Variants in MNAT1 observed in about 807,000 individuals in gnomAD.
MNAT1 encodes the protein CDK-activating kinase assembly factor MAT1.
In MNAT1, 43 loss-of-function variants were observed where a neutral mutation model predicts 42.0. The observed-to-expected ratio is 1.02, with a 90% CI of 0.80 to 1.32. The LOEUF is 1.32. Among genes scored for constraint, MNAT1 ranks in the 40% most tolerant of loss-of-function variants. The probability of loss-of-function intolerance (pLI) is 0.00; values close to 1 mark genes in which losing one functional copy is unlikely to be tolerated. For missense variants in MNAT1, 306 were observed against 350.4 expected, an observed-to-expected ratio of 0.87 and a Z score of 1.01; for synonymous variants, 118 against 120.0, an observed-to-expected ratio of 0.98 and a Z score of 0.11.
At chr14:60,878,510 TGTTGTGGTGGG>T (rs1432723357) in intron 6 of MNAT1, among the ~76,000 whole-genome samples, 1 of 152,074 alleles carries the variant, frequency 6.6e-6, no homozygotes, top group Non-Finnish European at 1.5e-5. Context: ...GCAGGAGCAT[TGTTGTGGTGGG>T]GAAAGGACTC....
chr14:60,923,919 G>A (rs147518780), intron 7 of MNAT1, among the ~76,000 whole-genome samples: 13 of 152,272 alleles, frequency 8.5e-5, no homozygotes, highest in African/African-American at 2.4e-4. Flanking sequence ...ATGACAGAGC[G>A]AGACTGTCTT....
chr14:60,904,117 C>T (rs775521370), intron 7 of MNAT1, among the ~76,000 whole-genome samples: 50 of 152,234 alleles, frequency 3.3e-4, no homozygotes, highest in Non-Finnish European at 6.0e-4. Context: ...GTGATCCACC[C>T]GCCTTGGCCT....
At chr14:60,898,828 G>T (rs561887217) in intron 7 of MNAT1, among the ~76,000 whole-genome samples, 1 of 152,064 alleles carries the variant, frequency 6.6e-6, no homozygotes, top group East Asian at 1.9e-4. Context: ...TAAAATCTTT[G>T]CCTAAACCAA....
chr14:60,968,089 T>A, intron 7 of MNAT1, 140 bp from the exon 8 acceptor site: 1 of 603,434 alleles, frequency 1.7e-6, no homozygotes, highest in South Asian at 2.3e-5. Context: ...AAGATAATAA[T>A]CTATTTATAA....
intron 7 of MNAT1, among the ~76,000 whole-genome samples, chr14:60,960,088 G>T (rs1254749642): frequency 3.3e-5 from 5 of 151,852 alleles, no homozygotes; most frequent in Non-Finnish European, 7.4e-5. Context: ...TTGTTCTTTT[G>T]CTATAAGAAA....
At chr14:60,746,514 CAAA>C (rs11296750) in intron 1 of MNAT1, among the ~76,000 whole-genome samples, 1 of 126,496 alleles carries the variant, frequency 7.9e-6, no homozygotes, top group African/African-American at 3.1e-5. Context: ...GACTCTGTCT[CAAA>C]AAAAAAAAAA....
At chr14:60,877,227 G>A (rs754335583) in intron 6 of MNAT1, among the ~76,000 whole-genome samples, 25 of 151,890 alleles carry the variant, frequency 1.6e-4, no homozygotes, top group Non-Finnish European at 3.2e-4. Context: ...ATACCTATTG[G>A]CAATATGTAT....
rs548652808 is a variant in MNAT1, at chr14:60,871,520, T to G, written c.688-8194T>G. Among the ~76,000 whole-genome samples the G allele has an allele frequency of 7.2e-5, 11 of 152,190 alleles. 1 individual carries two copies. The highest frequency in any genetic ancestry group is 1.6e-4 in the Non-Finnish European group (11 of 68,036). ...ATTTAGTGTGCATTTTTCTGAATAT[T>G]ATTGATGTTGAGCATCTTTTCATGT... is the stretch of plus-strand genomic sequence containing the variant. On this transcript the variant is annotated intron_variant, in intron 6 of 7. Coordinates refer to ENST00000261245, the MANE Select transcript of MNAT1 (RefSeq NM_002431.4).
At chr14:60,757,707 C>T (rs940765876) in intron 1 of MNAT1, among the ~76,000 whole-genome samples, 2 of 152,146 alleles carry the variant, frequency 1.3e-5, no homozygotes, top group Admixed American at 1.3e-4. Context: ...CACAGAGATT[C>T]CCTTTCTGTC....
At chr14:60,959,953 TGA>T (rs2036558840) in intron 7 of MNAT1, among the ~76,000 whole-genome samples, 2 of 145,744 alleles carry the variant, frequency 1.4e-5, no homozygotes, top group Admixed American at 1.4e-4. Context: ...GCATTGTTTC[TGA>T]GAGTCAGTCG....
chr14:60,964,374 A>G (rs920321075), intron 7 of MNAT1, among the ~76,000 whole-genome samples: 3 of 152,222 alleles, frequency 2.0e-5, no homozygotes, highest in African/African-American at 7.2e-5. Flanking sequence ...ATTAGGGCAT[A>G]AGATGTCCTT....
At chr14:60,909,360 G>A (rs2035291163) in intron 7 of MNAT1, among the ~76,000 whole-genome samples, 2 of 151,960 alleles carry the variant, frequency 1.3e-5, no homozygotes, top group Admixed American at 6.5e-5. Context: ...GGCTTTTGTT[G>A]CCATTTTTTT....
At chr14:60,816,777 C>A (rs1390156776) in intron 5 of MNAT1, among the ~76,000 whole-genome samples, 1 of 152,010 alleles carries the variant, frequency 6.6e-6, no homozygotes, top group African/African-American at 2.4e-5. Flanking sequence ...TCTAGTTTAA[C>A]ACTTAGTAAG....
At chr14:60,913,547 T>A (rs1200272369) in intron 7 of MNAT1, among the ~76,000 whole-genome samples, 9 of 152,164 alleles carry the variant, frequency 5.9e-5, no homozygotes, top group Admixed American at 5.2e-4. Context: ...CTTCTAACAG[T>A]CAGGACCCTC....
chr14:60,838,733 G>C (rs1212359683), intron 6 of MNAT1, among the ~76,000 whole-genome samples: 1 of 151,904 alleles, frequency 6.6e-6, no homozygotes, highest in African/African-American at 2.4e-5. Flanking sequence ...TGTGGTTGTG[G>C]ATCTGGGCAT....
At chr14:60,838,321 A>G (rs1181095074) in intron 6 of MNAT1, among the ~76,000 whole-genome samples, 1 of 151,522 alleles carries the variant, frequency 6.6e-6, no homozygotes, top group African/African-American at 2.4e-5. Flanking sequence ...TGTTTTTAGG[A>G]GAGACAGGAT....
chr14:60,771,400 C>T (rs897680976), intron 1 of MNAT1, among the ~76,000 whole-genome samples: 1 of 152,120 alleles, frequency 6.6e-6, no homozygotes, highest in Non-Finnish European at 1.5e-5. Context: ...CCTTCTGTTA[C>T]TTCTTTTTCA....
In MNAT1 at chr14:60,952,497, A is replaced by G. The variant is rs1049594030; in HGVS notation, c.810-15732A>G. Among the ~76,000 whole-genome samples, 6 of 152,284 alleles carry G rather than the reference A, an allele frequency of 3.9e-5. 1 individual carries two copies. In the South Asian group the frequency reaches 1.0e-3, roughly 26 times the overall value. On this transcript the variant is annotated intron_variant, in intron 7 of 7. Coordinates refer to ENST00000261245, the MANE Select transcript of MNAT1 (RefSeq NM_002431.4). The stretch of plus-strand genomic sequence containing the variant: ...CTGAAATACGGTAACAATAGTGGCA[A>G]TGAAGATGATGTGAGAGGTAAATAG...
At chr14:60,810,247 T>A (rs2032501540) in intron 4 of MNAT1, among the ~76,000 whole-genome samples, 1 of 152,162 alleles carries the variant, frequency 6.6e-6, no homozygotes, top group Admixed American at 6.5e-5. Context: ...TCTTTCATAG[T>A]CTTGCAAAGA....
Sources: allele counts gnomAD v4.1 joint callset (sites outside exome capture counted in the v4.1 genomes callset), GRCh38; gene constraint gnomAD v4.1.1; transcripts MANE v1.5; gene names NCBI Gene and HGNC (gene_info 2026-07-23, HGNC 2026-07-21).